The following RELN variants were observed in gnomAD, a reference collection of about 807,000 sequenced individuals.
RELN encodes reelin.
In RELN, 108 loss-of-function variants were observed where a neutral mutation model predicts 427.6. That is an observed-to-expected ratio of 0.25 (90% confidence interval 0.22 to 0.30). The LOEUF (loss-of-function observed/expected upper bound fraction) is 0.30. Among genes scored for constraint, RELN ranks in the 10% least tolerant of loss-of-function variants. The pLI is 1.00. For synonymous variants in RELN, 1,524 were observed against 1,513.4 expected, an observed-to-expected ratio of 1.01 and a Z score of -0.16; for missense variants, 3,715 against 4,302.8, an observed-to-expected ratio of 0.86 and a Z score of 3.82.
chr7:103,926,627 G>GTTTTT lies in RELN; in HGVS notation c.227-9447_227-9443dup, dbSNP rs60259062. Among the ~76,000 whole-genome samples the GTTTTT allele has an allele frequency of 2.6e-3, 260 of 99,434 alleles. 19 individuals are homozygous for GTTTTT. The highest frequency in any genetic ancestry group is 3.3e-3 in the Non-Finnish European group (161 of 49,188). 65.2% of individuals were successfully genotyped at this position (99,434 alleles called of 152,430 possible). On this transcript the variant is annotated intron_variant, in intron 1 of 64. Coordinates refer to ENST00000428762, the MANE Select transcript of RELN (RefSeq NM_005045.4). ...CGAACGCAGCTCTAAAGTATCATAA[G>GTTTTT]TTTTTTTTTTTTTTTTTTTTTTTTT...
intron 46 of RELN, among the ~76,000 whole-genome samples, chr7:103,527,471 C>A (rs1354342291): frequency 1.3e-5 from 2 of 152,158 alleles, no homozygotes; most frequent in Non-Finnish European, 2.9e-5. Context: ...ATTAAGCAAA[C>A]CTTTCAAAAC....
At chr7:103,619,092 G>C (rs1464455993) in intron 20 of RELN, among the ~76,000 whole-genome samples, 1 of 150,994 alleles carries the variant, frequency 6.6e-6, no homozygotes, top group Non-Finnish European at 1.5e-5. Context: ...CTGGGCGACA[G>C]AGTGAGACTC....
At chr7:103,774,178 T>C (rs1791677632) in intron 4 of RELN, among the ~76,000 whole-genome samples, 2 of 151,356 alleles carry the variant, frequency 1.3e-5, no homozygotes, top group Admixed American at 6.6e-5. Flanking sequence ...ACACCTGTAA[T>C]CCCAGCTACT....
chr7:103,652,228 G>A (rs944356896), intron 14 of RELN, among the ~76,000 whole-genome samples: 2 of 151,150 alleles, frequency 1.3e-5, no homozygotes, highest in Non-Finnish European at 2.9e-5. Context: ...CAGCCGACAG[G>A]AGGTCAAGCT....
chr7:103,902,578 A>C (rs1795107307), intron 2 of RELN, among the ~76,000 whole-genome samples: 1 of 152,070 alleles, frequency 6.6e-6, no homozygotes, highest in Non-Finnish European at 1.5e-5. Context: ...AAATATTAAC[A>C]ATTTTGCTAT....
At chr7:103,872,909 T>C (rs1185810608) in intron 2 of RELN, among the ~76,000 whole-genome samples, 1 of 151,376 alleles carries the variant, frequency 6.6e-6, no homozygotes, top group African/African-American at 2.4e-5. Context: ...TTTGATGGGG[T>C]TGTTTGTTTT....
At chr7:103,534,113 T>C (rs1584271026) in intron 46 of RELN, among the ~76,000 whole-genome samples, 1 of 152,224 alleles carries the variant, frequency 6.6e-6, no homozygotes, top group East Asian at 1.9e-4. Context: ...AGAAAAGTTA[T>C]GCCCTAGATG....
At chr7:103,489,506 A>G (rs1287980889) in intron 60 of RELN, among the ~76,000 whole-genome samples, 1 of 152,220 alleles carries the variant, frequency 6.6e-6, no homozygotes, top group Non-Finnish European at 1.5e-5. Flanking sequence ...ATATATTTAT[A>G]GAATGTCTGG....
chr7:103,712,077 A>C (rs2115852137), intron 8 of RELN, among the ~76,000 whole-genome samples: 1 of 152,296 alleles, frequency 6.6e-6, no homozygotes. Context: ...TGCTAACTGG[A>C]ATGTTTCTGT....
intron 34 of RELN, among the ~76,000 whole-genome samples, chr7:103,564,995 T>C (rs1407276412): frequency 6.6e-6 from 1 of 152,202 alleles, no homozygotes; most frequent in Non-Finnish European, 1.5e-5. Context: ...CAGTCTGGTT[T>C]ATGGGCAGAG....
rs2299380 is a variant in RELN at position 103,732,639 on chromosome 7, T to A, written c.657-4432A>T. Among the ~76,000 whole-genome samples, 8 of 152,024 alleles carry A rather than the reference T, an allele frequency of 5.3e-5. No individual in the cohort carries two copies. The East Asian group carries it at 1.2e-3, about 22-fold the overall frequency. The stretch of plus-strand genomic sequence containing the variant: ...GAAAGACGAGATGAATTTTAAAAAC[T>A]TATGGATATAAATAAACATTCAAAT... On this transcript the variant is annotated intron_variant, in intron 6 of 64. Transcript: ENST00000428762.
At chr7:103,779,859 C>T (rs762338732) in intron 3 of RELN, among the ~76,000 whole-genome samples, 17 of 152,296 alleles carry the variant, frequency 1.1e-4, no homozygotes, top group Non-Finnish European at 4.4e-5. Flanking sequence ...TCCTGAGTAG[C>T]TGGGACTACA....
intron 6 of RELN, among the ~76,000 whole-genome samples, chr7:103,749,129 T>G (rs566198840): frequency 4.6e-5 from 7 of 152,068 alleles, no homozygotes; most frequent in Admixed American, 1.3e-4. Flanking sequence ...TTGGCATAAA[T>G]GAAATTATTA....
chr7:103,936,197 A>T (rs1795980451), intron 1 of RELN, among the ~76,000 whole-genome samples: 1 of 151,940 alleles, frequency 6.6e-6, no homozygotes, highest in African/African-American at 2.4e-5. Flanking sequence ...GGTGCAAGAA[A>T]TTCTCGTGCC....
chr7:103,518,581 C>G (rs1299750903), intron 49 of RELN, among the ~76,000 whole-genome samples: 1 of 148,212 alleles, frequency 6.7e-6, no homozygotes, highest in Non-Finnish European at 1.5e-5. Context: ...AGTGATCCTC[C>G]TGCCTTGGCT....
intron 46 of RELN, among the ~76,000 whole-genome samples, chr7:103,534,630 G>T (rs1830010533): frequency 6.6e-6 from 1 of 152,022 alleles, no homozygotes; most frequent in Admixed American, 6.6e-5. Flanking sequence ...TGGGACTGCA[G>T]GTAGGTACCA....
Position 103,574,151 on chromosome 7 carries a change from G to A in RELN, c.4452C>T (p.Tyr1484=). Residue 1484 remains tyrosine (Y), a synonymous_variant, in exon 30 of 65, where the codon TAC becomes TAT. Coordinates refer to ENST00000428762, the MANE Select transcript of RELN (RefSeq NM_005045.4). ...CGTLNDGKSL[Y]FNGPGKREAR... ...CTTCCCTTTTCCCAGGGCCATTGAA[G>A]TAGAGAGATTTGCCATCGTTAAGTG... is the stretch of plus-strand genomic sequence containing the variant. 6.2e-7 allele frequency: 1 copy of A among 1,614,200 alleles called. No homozygotes were observed. The highest frequency in any genetic ancestry group is 8.5e-7 in the Non-Finnish European group (1 of 1,180,026).
chr7:103,956,923 T>C (rs1460267871), intron 1 of RELN, among the ~76,000 whole-genome samples: 1 of 152,176 alleles, frequency 6.6e-6, no homozygotes, highest in Non-Finnish European at 1.5e-5. Context: ...ATGGATATTT[T>C]TGGTGTCTTG....
chr7:103,796,090 C>A lies in RELN; in HGVS notation c.474-19463G>T, dbSNP rs138119438. 1.2e-3 allele frequency among the ~76,000 whole-genome samples: 180 copies of A among 152,230 alleles called. 2 individuals carry two copies. Among genetic ancestry groups the A allele is most frequent in the African/African-American group, 4.1e-3 (171 of 41,546 alleles). Reference sequence around the variant, plus strand: ...AATATGGAAATCATGTTTTTAAACTCTTTATATAATTTAAATATCCCTGGA... The same window carrying A: ...AATATGGAAATCATGTTTTTAAACTATTTATATAATTTAAATATCCCTGGA... On this transcript the variant is annotated intron_variant, in intron 3 of 64. Coordinates refer to ENST00000428762, the MANE Select transcript of RELN (RefSeq NM_005045.4).
Sources: allele counts gnomAD v4.1 joint callset (sites outside exome capture counted in the v4.1 genomes callset), GRCh38; gene constraint gnomAD v4.1.1; transcripts MANE v1.5; gene names NCBI Gene and HGNC (gene_info 2026-07-23, HGNC 2026-07-21).